The following PCLO variants were observed in gnomAD, a reference collection of about 807,000 sequenced individuals.
The protein encoded by PCLO is piccolo presynaptic cytomatrix protein.
In PCLO, 82 loss-of-function variants were observed where a neutral mutation model predicts 427.5. The observed-to-expected ratio is 0.19, with a 90% CI of 0.16 to 0.23. The LOEUF (loss-of-function observed/expected upper bound fraction) is 0.23, where lower values mean the gene tolerates loss of function less well. PCLO is among the 10% of genes least tolerant of loss of function. The pLI, the probability that PCLO is intolerant of heterozygous loss-of-function variation, is 1.00. For missense variants in PCLO, 6,239 were observed against 6,115.9 expected, an observed-to-expected ratio of 1.02 and a Z score of -0.67; for synonymous variants, 2,357 against 2,155.4, an observed-to-expected ratio of 1.09 and a Z score of -2.59.
chr7:82,820,892 C>T, intron 20 of PCLO: 4 of 1,230,274 alleles, frequency 3.3e-6, no homozygotes, highest in Non-Finnish European at 4.1e-6. Context: ...TCAAAAGATG[C>T]CCAGTGCATA....
At chr7:82,777,079 G>T (rs906110393) in intron 22 of PCLO, among the ~76,000 whole-genome samples, 3 of 152,006 alleles carry the variant, frequency 2.0e-5, no homozygotes, top group African/African-American at 7.2e-5. Flanking sequence ...GTGTCCCAGA[G>T]ATTCTGGTAT....
intron 3 of PCLO, among the ~76,000 whole-genome samples, chr7:83,062,564 A>G (rs1789566730): frequency 6.6e-6 from 1 of 152,174 alleles, no homozygotes; most frequent in Non-Finnish European, 1.5e-5. Flanking sequence ...AATACCTGGC[A>G]TAAGACCCCA....
chr7:82,924,215 G>C (rs1300798015), intron 6 of PCLO, among the ~76,000 whole-genome samples: 2 of 151,398 alleles, frequency 1.3e-5, no homozygotes, highest in African/African-American at 4.9e-5. Context: ...GGGAATAAAG[G>C]GTAAACAAAA....
At chr7:82,958,415 T>C (rs1027081030) in intron 4 of PCLO, among the ~76,000 whole-genome samples, 1 of 151,810 alleles carries the variant, frequency 6.6e-6, no homozygotes, top group Admixed American at 6.6e-5. Context: ...CTTCTCCTTT[T>C]TCTAGTTAGA....
chr7:82,848,893 G>T, intron 10 of PCLO: 1 of 403,260 alleles, frequency 2.5e-6, no homozygotes, highest in Non-Finnish European at 5.0e-6. Context: ...TCTTCAGATG[G>T]GCCTTAGGTT....
At chr7:82,784,272 C>T (rs559837395) in intron 22 of PCLO, among the ~76,000 whole-genome samples, 1 of 152,090 alleles carries the variant, frequency 6.6e-6, no homozygotes, top group African/African-American at 2.4e-5. Context: ...ACCTACCATT[C>T]TCTCCACTGC....
chr7:82,979,235 TAATCTAG>T (rs60279040), intron 3 of PCLO, among the ~76,000 whole-genome samples: 4,297 of 152,186 alleles, frequency 0.028, 202 homozygotes, highest in African/African-American at 0.097. Context: ...AATAAATAAA[TAATCTAG>T]AAGTACTGCC....
chr7:83,000,015 A>C (rs999036536), intron 3 of PCLO, among the ~76,000 whole-genome samples: 14 of 143,278 alleles, frequency 9.8e-5, no homozygotes, highest in Admixed American at 1.5e-4. Flanking sequence ...GGAAACTCTG[A>C]GAACACCAAG....
Position 82,896,483 on chromosome 7 carries a change from T to C in PCLO, c.13528+6168A>G, listed in dbSNP as rs553200065. ...CAAGAAGTAAATCAGTAGTTAGTTT[T>C]TGGATGAGGGATGTTGGAAGCAGAG... On this transcript the variant is annotated intron_variant, in intron 9 of 24. Transcript: ENST00000333891. 2.9e-4 allele frequency among the ~76,000 whole-genome samples: 44 copies of C among 151,762 alleles called. 1 individual carries two copies. The South Asian group carries it at 8.9e-3, about 31-fold the overall frequency.
intron 7 of PCLO, chr7:82,914,324 AT>A (rs1452811883): frequency 4.3e-5 from 20 of 467,902 alleles, no homozygotes; most frequent in Non-Finnish European, 3.7e-6. Context: ...CTTTTAAAAT[AT>A]ATTTTTAAAA....
intron 10 of PCLO, among the ~76,000 whole-genome samples, chr7:82,848,304 GTTTTTTTTT>G (rs71522632): frequency 8.3e-5 from 7 of 83,878 alleles, no homozygotes; most frequent in African/African-American, 2.2e-4. Flanking sequence ...CCATTAGTTA[GTTTTTTTTT>G]TTTTTTTTTT....
intron 3 of PCLO, among the ~76,000 whole-genome samples, chr7:83,039,927 C>T (rs1249604785): frequency 6.6e-6 from 1 of 152,030 alleles, no homozygotes; most frequent in Non-Finnish European, 1.5e-5. Context: ...CTTTGTGATG[C>T]TATTATAAGT....
rs575664145 is a variant in PCLO at position 82,873,640 on chromosome 7, C to T, written c.13654+5697G>A. On this transcript the variant is annotated intron_variant, in intron 10 of 24. Transcript: ENST00000333891. ...AGAAAACACTTCCACATAGTAATTG[C>T]TATTTTGAGTTGAGATTTTAACTTC... Among the ~76,000 whole-genome samples the T allele has an allele frequency of 1.3e-4, 20 of 152,240 alleles. No homozygotes were observed. The South Asian group carries it at 4.1e-3, about 32-fold the overall frequency.
At chr7:82,842,769 A>G (rs1792398819) in intron 13 of PCLO, among the ~76,000 whole-genome samples, 1 of 152,152 alleles carries the variant, frequency 6.6e-6, no homozygotes, top group Non-Finnish European at 1.5e-5. Flanking sequence ...CATTTCTCAG[A>G]AGAAGACATA....
chr7:82,867,886 A>G (rs1366173860), intron 10 of PCLO, among the ~76,000 whole-genome samples: 3 of 152,200 alleles, frequency 2.0e-5, no homozygotes. Context: ...TCTAATCACT[A>G]GTATCGTGAT....
At chr7:82,798,118 G>C (rs1170525831) in intron 22 of PCLO, among the ~76,000 whole-genome samples, 1 of 152,050 alleles carries the variant, frequency 6.6e-6, no homozygotes, top group Non-Finnish European at 1.5e-5. Context: ...ATATACTCTG[G>C]ATTAAAGTAT....
At chr7:82,958,633 A>G (rs1795587029) in intron 4 of PCLO, among the ~76,000 whole-genome samples, 1 of 152,178 alleles carries the variant, frequency 6.6e-6, no homozygotes, top group South Asian at 2.1e-4. Flanking sequence ...CCTACTCTTC[A>G]GTGTGCACCT....
intron 2 of PCLO, among the ~76,000 whole-genome samples, chr7:83,142,067 A>G (rs1334325498): frequency 6.6e-6 from 1 of 151,592 alleles, no homozygotes; most frequent in Non-Finnish European, 1.5e-5. Flanking sequence ...CAATTCCAGA[A>G]AGCATAATGA....
intron 22 of PCLO, among the ~76,000 whole-genome samples, chr7:82,775,115 C>T (rs1790722662): frequency 6.6e-6 from 1 of 152,146 alleles, no homozygotes; most frequent in African/African-American, 2.4e-5. Context: ...CAATAAACCA[C>T]AGTTTATTTA....
Sources: allele counts gnomAD v4.1 joint callset (sites outside exome capture counted in the v4.1 genomes callset), GRCh38; gene constraint gnomAD v4.1.1; transcripts MANE v1.5; gene names NCBI Gene and HGNC (gene_info 2026-07-23, HGNC 2026-07-21).